PHACTR2: variants seen among roughly 807,000 people sequenced by gnomAD.
PHACTR2 encodes chromosome 6 open reading frame 56.
A neutral mutation model predicts 76.0 loss-of-function variants in PHACTR2; 30 were observed. The ratio of observed to expected loss-of-function variants is 0.39; its 90% CI spans 0.30 to 0.54. PHACTR2 has a LOEUF of 0.54. PHACTR2 is among the 20% of genes least tolerant of loss of function. The pLI is 0.61. For synonymous variants in PHACTR2, 292 were observed against 292.5 expected (o/e 1.00, Z 0.02); for missense variants, 696 against 781.1 (o/e 0.89, Z 1.30).
At chr6:143,634,248 A>G (rs1032045292) in intron 1 of PHACTR2, among the ~76,000 whole-genome samples, 11 of 152,214 alleles carry the variant, frequency 7.2e-5, no homozygotes, top group Admixed American at 3.3e-4. Context: ...GTCCTAATAT[A>G]TGTTCTAAGT....
At chr6:143,605,428 T>G (rs1271602666), upstream of PHACTR2, among the ~76,000 whole-genome samples, 2 of 152,206 alleles carry the variant, frequency 1.3e-5, no homozygotes, top group African/African-American at 4.8e-5. The surrounding 1 kb of genome is among the most constrained non-coding windows in gnomAD (Gnocchi z 5.0). Context: ...CTACAGCATA[T>G]TAATTGTGGG....
intron 1 of PHACTR2, among the ~76,000 whole-genome samples, chr6:143,660,493 C>T (rs564053001): frequency 6.6e-5 from 10 of 152,300 alleles, no homozygotes; most frequent in Admixed American, 2.0e-4. Flanking sequence ...CCTCCCACAA[C>T]ATACGGGAAT....
At chr6:143,638,020 G>A (rs1307001382) in intron 1 of PHACTR2, among the ~76,000 whole-genome samples, 1 of 152,188 alleles carries the variant, frequency 6.6e-6, no homozygotes, top group Non-Finnish European at 1.5e-5. Context: ...AAGCTTTCAT[G>A]TCAATTTCAA....
rs1266853211 is a variant in PHACTR2, at chr6:143,654,725, G to T, written c.13+46403G>T. On this transcript the variant is annotated intron_variant, in intron 1 of 11. Coordinates refer to the PHACTR2 transcript ENST00000305766. The surrounding 1 kb of genome is among the most constrained non-coding windows in gnomAD (Gnocchi z 4.6). ...AGGCTGAGGTTGGAGGACTGCTTAA[G>T]CCCAGGAGTTCAAGGCTGCAGTGAG... is the stretch of plus-strand genomic sequence containing the variant. Among the ~76,000 whole-genome samples the T allele has an allele frequency of 6.6e-6, 1 of 152,142 alleles. No homozygotes were observed. The highest frequency in any genetic ancestry group is 1.5e-5 in the Non-Finnish European group (1 of 68,040).
Position 143,616,898 on chromosome 6 carries a change from C to T in PHACTR2, c.13+8576C>T, listed in dbSNP as rs1776066884. Among the ~76,000 whole-genome samples, 1 of 152,130 alleles carries T rather than the reference C, an allele frequency of 6.6e-6. No individual in the cohort carries two copies. The highest frequency in any genetic ancestry group is 1.5e-5 in the Non-Finnish European group (1 of 68,042). On this transcript the variant is annotated intron_variant, in intron 1 of 11. Coordinates refer to the PHACTR2 transcript ENST00000305766. The surrounding 1 kb of genome is among the most constrained non-coding windows in gnomAD (Gnocchi z 4.9). ...TGTCAAGCTGAGTGGCCGGCAAACACACACGCCCCCAGACAGGACGTTGAC... is the reference window on the plus strand; with the variant it reads ...TGTCAAGCTGAGTGGCCGGCAAACATACACGCCCCCAGACAGGACGTTGAC...
intron 1 of PHACTR2, among the ~76,000 whole-genome samples, chr6:143,649,026 G>A (rs549277896): frequency 1.3e-5 from 2 of 152,088 alleles, no homozygotes; most frequent in Non-Finnish European, 2.9e-5. Context: ...GTGTGTCTAT[G>A]TGCATGACTG....
At chr6:143,762,434 T>C (rs1472130234) in intron 5 of PHACTR2, among the ~76,000 whole-genome samples, 1 of 152,224 alleles carries the variant, frequency 6.6e-6, no homozygotes, top group Non-Finnish European at 1.5e-5. Context: ...ATTTTATTCA[T>C]TGTATTGTAA....
At position 143,780,145 on chromosome 6, in the gene PHACTR2, A is replaced by T. The variant is rs914575687; in HGVS notation, c.1645+2762A>T. Among the ~76,000 whole-genome samples the T allele has an allele frequency of 1.3e-5, 2 of 152,266 alleles. No individual in the cohort carries two copies. The highest frequency in any genetic ancestry group is 1.3e-4 in the Admixed American group (2 of 15,294). On this transcript the variant is annotated intron_variant, in intron 9 of 12. Transcript: ENST00000440869. The surrounding 1 kb of genome is among the most constrained non-coding windows in gnomAD (Gnocchi z 4.4). ...ATATATTTTTCCCCAACATTTTATT[A>T]TGAAAATTTTTAAACATGAAGAAAA...
chr6:143,822,739 A>T lies in PHACTR2; in HGVS notation c.1923-935A>T, dbSNP rs191177860. ...TTGCAGAAGTAGGCTGAAGAGCTTG[A>T]TCACTTAAGGCTTTATGGAGAAGAT... is the stretch of plus-strand genomic sequence containing the variant. On this transcript the variant is annotated intron_variant, in intron 12 of 12. Coordinates refer to ENST00000440869, the MANE Select transcript of PHACTR2 (RefSeq NM_001100164.2). This position sits in a 1 kb window ranked among gnomAD's most constrained non-coding sequence, Gnocchi z 5.5. Among the ~76,000 whole-genome samples the T allele has an allele frequency of 3.3e-5, 5 of 152,358 alleles. No individual in the cohort carries two copies. Among genetic ancestry groups the T allele is most frequent in the Admixed American group, 6.5e-5 (1 of 15,306 alleles).
rs76433365 is a variant in PHACTR2 at position 143,700,048 on chromosome 6, C to T, written c.47-11968C>T. On this transcript the variant is annotated intron_variant, in intron 1 of 12. Coordinates refer to ENST00000440869, the MANE Select transcript of PHACTR2 (RefSeq NM_001100164.2). The surrounding 1 kb of genome is among the most constrained non-coding windows in gnomAD (Gnocchi z 4.1). Reference sequence around the variant, plus strand: ...CTCCACAGATACCGGCCTTGGGGACCCTGTATGACTGCCAGGAGGCTCTTG... The same window carrying T: ...CTCCACAGATACCGGCCTTGGGGACTCTGTATGACTGCCAGGAGGCTCTTG... Among the ~76,000 whole-genome samples the T allele has an allele frequency of 1.9e-3, 290 of 152,236 alleles. 4 individuals are homozygous for T. Among genetic ancestry groups the T allele is most frequent in the African/African-American group, 6.6e-3 (276 of 41,540 alleles).
chr6:143,592,045 T>C lies in PHACTR2; in HGVS notation c.217+54838T>C, dbSNP rs1775697893. On this transcript the variant is annotated intron_variant, in intron 1 of 11. Transcript: ENST00000367584. This position sits in a 1 kb window ranked among gnomAD's most constrained non-coding sequence, Gnocchi z 4.0. ...GGATATGAGAGGTGCATGCAGACTC[T>C]GACACAATGGGACAGACCTGGTGGT... Among the ~76,000 whole-genome samples, 1 of 152,154 alleles carries C rather than the reference T, an allele frequency of 6.6e-6. No homozygotes were observed. Among genetic ancestry groups the C allele is most frequent in the Non-Finnish European group, 1.5e-5 (1 of 68,024 alleles).
intron 1 of PHACTR2, among the ~76,000 whole-genome samples, chr6:143,694,441 A>G (rs1377490896): frequency 6.6e-6 from 1 of 152,174 alleles, no homozygotes; most frequent in Admixed American, 6.5e-5. Context: ...GTCAGTAACT[A>G]ATGTGGCCAC....
intron 1 of PHACTR2, among the ~76,000 whole-genome samples, chr6:143,544,978 C>T (rs1398545222): frequency 6.6e-6 from 1 of 150,908 alleles, no homozygotes; most frequent in African/African-American, 2.4e-5. Context: ...AGGTCTCACT[C>T]TGTCACCCAG....
chr6:143,756,713 A>G (rs919543824), intron 4 of PHACTR2, among the ~76,000 whole-genome samples: 13 of 150,502 alleles, frequency 8.6e-5, no homozygotes, highest in African/African-American at 2.4e-4. Flanking sequence ...AAAAAAAAAA[A>G]AAGAGCAGAA....
Position 143,709,857 on chromosome 6 carries a change from G to T in PHACTR2, c.47-2159G>T, listed in dbSNP as rs1221949213. Among the ~76,000 whole-genome samples, 1 of 152,060 alleles carries T rather than the reference G, an allele frequency of 6.6e-6. No individual in the cohort carries two copies. The highest frequency in any genetic ancestry group is 1.5e-5 in the Non-Finnish European group (1 of 68,014). ...GCTGGATGTCACGGCTTCCTACATG[G>T]TCTCCACTGACACTGTGGAAGATGC... On this transcript the variant is annotated intron_variant, in intron 1 of 12. Transcript: ENST00000440869. The surrounding 1 kb of genome is among the most constrained non-coding windows in gnomAD (Gnocchi z 4.4).
At chr6:143,573,472 GA>G (rs1775471869) in intron 1 of PHACTR2, among the ~76,000 whole-genome samples, 1 of 152,240 alleles carries the variant, frequency 6.6e-6, no homozygotes, top group Admixed American at 6.5e-5. Context: ...GGTTAAGAGA[GA>G]AGAGCCTAGA....
chr6:143,629,240 G>A (rs993971562), intron 1 of PHACTR2, among the ~76,000 whole-genome samples: 14 of 151,920 alleles, frequency 9.2e-5, no homozygotes, highest in African/African-American at 7.3e-5. Flanking sequence ...TCTGGAGGGG[G>A]AAAGAGATAG....
chr6:143,818,807 T>C lies in PHACTR2; in HGVS notation c.1923-4867T>C, dbSNP rs373208590. On this transcript the variant is annotated intron_variant, in intron 12 of 12. Coordinates refer to ENST00000440869, the MANE Select transcript of PHACTR2 (RefSeq NM_001100164.2). The surrounding 1 kb of genome is among the most constrained non-coding windows in gnomAD (Gnocchi z 4.9). ...CTCCCACCAGGTCCCTCCCACAACA[T>C]GTGGGGATTATGAGATTACAATTCA... Among the ~76,000 whole-genome samples, 32 of 152,264 alleles carry C rather than the reference T, an allele frequency of 2.1e-4. No homozygotes were observed. The highest frequency in any genetic ancestry group is 7.2e-4 in the African/African-American group (30 of 41,546).
At chr6:143,728,712 G>C (rs985751847) in intron 2 of PHACTR2, among the ~76,000 whole-genome samples, 23 of 152,060 alleles carry the variant, frequency 1.5e-4, no homozygotes, top group Non-Finnish European at 5.9e-5. Flanking sequence ...TTTTGATAAA[G>C]GTGCCAAGAA....
Sources: allele counts gnomAD v4.1 joint callset (sites outside exome capture counted in the v4.1 genomes callset), GRCh38; gene constraint gnomAD v4.1.1; non-coding constraint Gnocchi (gnomAD v3.1); transcripts MANE v1.5; gene names NCBI Gene and HGNC (gene_info 2026-07-23, HGNC 2026-07-21).